CDYL2: variants seen among roughly 807,000 people sequenced by gnomAD.
CDYL2 encodes the protein chromodomain Y like 2.
In CDYL2, 23 loss-of-function variants were observed where a neutral mutation model predicts 49.4. The ratio of observed to expected loss-of-function variants is 0.47; its 90% CI spans 0.34 to 0.66. The LOEUF is 0.66. Among genes scored for constraint, CDYL2 ranks in the 30% least tolerant of loss-of-function variants. The pLI, the probability that CDYL2 is intolerant of heterozygous loss-of-function variation, is 0.01. For synonymous variants in CDYL2, 360 were observed against 268.8 expected (o/e 1.34, Z -3.32); for missense variants, 678 against 656.4 (o/e 1.03, Z -0.36).
At chr16:80,770,014 C>G (rs1208415856) in intron 1 of CDYL2, among the ~76,000 whole-genome samples, 1 of 151,988 alleles carries the variant, frequency 6.6e-6, no homozygotes. Flanking sequence ...AACAACAAAA[C>G]TACTTTGCAA....
chr16:80,742,977 G>T (rs554739724), intron 1 of CDYL2, among the ~76,000 whole-genome samples: 1 of 130,296 alleles, frequency 7.7e-6, no homozygotes, highest in East Asian at 2.5e-4. Context: ...TGGATGAATC[G>T]ATAGGTGAGT....
chr16:80,671,020 T>G (rs1460071983), intron 2 of CDYL2: 1 of 455,934 alleles, frequency 2.2e-6, no homozygotes, highest in East Asian at 7.0e-5. Flanking sequence ...CTAACCAGTC[T>G]AGGGTTGTGA....
intron 2 of CDYL2, among the ~76,000 whole-genome samples, chr16:80,661,838 CTCT>C (rs1177923965): frequency 6.6e-6 from 1 of 152,170 alleles, no homozygotes; most frequent in Non-Finnish European, 1.5e-5. Context: ...AGACTGTGGC[CTCT>C]TGAGGGATAA....
intron 1 of CDYL2, among the ~76,000 whole-genome samples, chr16:80,697,200 C>A (rs1904280071): frequency 6.6e-6 from 1 of 152,124 alleles, no homozygotes; most frequent in South Asian, 2.1e-4. Context: ...ACTAATCCAA[C>A]AACACATCAA....
chr16:80,729,902 A>G (rs567628753), intron 1 of CDYL2, among the ~76,000 whole-genome samples: 2 of 152,316 alleles, frequency 1.3e-5, no homozygotes, highest in Admixed American at 6.5e-5. Context: ...TTTGAAACCA[A>G]CGAGAACAAA....
intron 3 of CDYL2, among the ~76,000 whole-genome samples, chr16:80,626,768 C>A (rs1006876060): frequency 6.6e-6 from 1 of 152,142 alleles, no homozygotes; most frequent in Non-Finnish European, 1.5e-5. Flanking sequence ...TAGGGGGATA[C>A]TGGGAAAATA....
rs898528124 is a variant in CDYL2 at position 80,765,257 on chromosome 16, C to T, written c.24+38893G>A. Among the ~76,000 whole-genome samples, 6 of 150,656 alleles carry T rather than the reference C, an allele frequency of 4.0e-5. No homozygotes were observed. In the South Asian group the frequency reaches 1.0e-3, roughly 26 times the overall value. On this transcript the variant is annotated intron_variant, in intron 1 of 6. Coordinates refer to ENST00000570137, the MANE Select transcript of CDYL2 (RefSeq NM_152342.4). ...TTTCCTAAAGCTCCGAGTATCCATG[C>T]TTGTCCATATCCCATAATGAAACAA... is the stretch of plus-strand genomic sequence containing the variant.
At chr16:80,649,254 C>G (rs547867039) in intron 2 of CDYL2, among the ~76,000 whole-genome samples, 1 of 152,036 alleles carries the variant, frequency 6.6e-6, no homozygotes, top group East Asian at 1.9e-4. Context: ...GACTCCACAC[C>G]AAACAACTAT....
At chr16:80,801,146 T>A (rs1907915548) in intron 1 of CDYL2, among the ~76,000 whole-genome samples, 1 of 152,230 alleles carries the variant, frequency 6.6e-6, no homozygotes, top group South Asian at 2.1e-4. Context: ...CTAAGAAATT[T>A]CACTTTCGAT....
intron 1 of CDYL2, among the ~76,000 whole-genome samples, chr16:80,718,751 AAT>A (rs955739802): frequency 6.6e-6 from 1 of 152,208 alleles, no homozygotes; most frequent in African/African-American, 2.4e-5. Flanking sequence ...AACCCAGAAC[AAT>A]GGGCCAGAGG....
intron 1 of CDYL2, among the ~76,000 whole-genome samples, chr16:80,802,884 T>C (rs1358171664): frequency 6.6e-6 from 1 of 152,214 alleles, no homozygotes; most frequent in Non-Finnish European, 1.5e-5. Context: ...CTACAATGTC[T>C]TATGCAAAAG....
At chr16:80,799,886 G>C (rs1907874426) in intron 1 of CDYL2, among the ~76,000 whole-genome samples, 1 of 152,192 alleles carries the variant, frequency 6.6e-6, no homozygotes, top group Non-Finnish European at 1.5e-5. Context: ...GAAGATAGCT[G>C]CCTCTTCAAA....
At chr16:80,782,717 G>A (rs996766585) in intron 1 of CDYL2, among the ~76,000 whole-genome samples, 1 of 151,992 alleles carries the variant, frequency 6.6e-6, no homozygotes, top group South Asian at 2.1e-4. Context: ...AATGTAATAT[G>A]TCACATGAGT....
At chr16:80,661,656 G>T (rs1318151510) in intron 2 of CDYL2, among the ~76,000 whole-genome samples, 1 of 152,176 alleles carries the variant, frequency 6.6e-6, no homozygotes, top group African/African-American at 2.4e-5. Context: ...TCTTCATGGT[G>T]TTGGCTCTGA....
intron 1 of CDYL2, among the ~76,000 whole-genome samples, chr16:80,690,653 G>C (rs966271792): frequency 2.0e-5 from 3 of 152,110 alleles, no homozygotes; most frequent in Non-Finnish European, 2.9e-5. Context: ...CGTGCAGTGG[G>C]TCCAACCTGA....
intron 1 of CDYL2, among the ~76,000 whole-genome samples, chr16:80,732,351 TAAA>T (rs1028580584): frequency 6.6e-6 from 1 of 152,146 alleles, no homozygotes; most frequent in Non-Finnish European, 1.5e-5. Context: ...GTCCCTTGCA[TAAA>T]AAGTTACACT....
chr16:80,705,327 C>G (rs1327136151), intron 1 of CDYL2, among the ~76,000 whole-genome samples: 1 of 152,226 alleles, frequency 6.6e-6, no homozygotes, highest in East Asian at 1.9e-4. Flanking sequence ...TTCACTCTGG[C>G]CAAAGGCCAC....
chr16:80,680,829 C>T (rs914346934), intron 2 of CDYL2, among the ~76,000 whole-genome samples: 4 of 152,098 alleles, frequency 2.6e-5, no homozygotes, highest in African/African-American at 9.7e-5. Flanking sequence ...TCAGCATGAA[C>T]GTGCAGAACC....
At chr16:80,786,694 G>A (rs1907447093) in intron 1 of CDYL2, among the ~76,000 whole-genome samples, 1 of 152,134 alleles carries the variant, frequency 6.6e-6, no homozygotes, top group Non-Finnish European at 1.5e-5. Context: ...TGATAGACTG[G>A]ATTAAGAAAA....
Sources: allele counts gnomAD v4.1 joint callset (sites outside exome capture counted in the v4.1 genomes callset), GRCh38; gene constraint gnomAD v4.1.1; transcripts MANE v1.5; gene names NCBI Gene and HGNC (gene_info 2026-07-23, HGNC 2026-07-21).